Variants in NBAS observed in about 807,000 individuals in gnomAD.
NBAS encodes NBAS subunit of NRZ tethering complex.
In NBAS, 219 loss-of-function variants were observed where a neutral mutation model predicts 302.5. The ratio of observed to expected loss-of-function variants is 0.72; its 90% CI spans 0.65 to 0.81. The LOEUF (loss-of-function observed/expected upper bound fraction) is 0.81, where lower values mean the gene tolerates loss of function less well. Ranked by LOEUF, NBAS falls within the 30% of genes least tolerant of loss-of-function variation. The probability of loss-of-function intolerance (pLI) is 0.00; values close to 1 mark genes in which losing one functional copy is unlikely to be tolerated. For missense variants in NBAS, 2,932 were observed against 2,841.6 expected (o/e 1.03, Z -0.72); for synonymous variants, 1,118 against 1,021.6 (o/e 1.09, Z -1.80).
rs144098184 is a variant in NBAS, at chr2:15,461,331, T to G, written c.2209A>C (p.Asn737His). Residue 737 changes from asparagine (N) to histidine (H), a missense_variant, in exon 21 of 52, where the codon AAT becomes CAT. Transcript: ENST00000281513. ...LSARTYAQES[N>H]VQALEILFTY... ...AACAGAATTTCCAGGGCTTGTACAT[T>G]ACTTTCCTGTACAAAAGGCAAGGGG... 2 of 1,611,780 alleles carry G rather than the reference T, an allele frequency of 1.2e-6. No individual in the cohort carries two copies. Among genetic ancestry groups the G allele is most frequent in the Middle Eastern group, 1.7e-4 (1 of 6,056 alleles).
At chr2:15,099,061 C>G in the NBAS span, among the ~76,000 whole-genome samples, 1 of 152,036 alleles carries the variant, frequency 6.6e-6, no homozygotes, top group Non-Finnish European at 1.5e-5. Context: ...AATCCCAGCA[C>G]TTTGGGAGGC....
chr2:15,133,599 T>C, the NBAS span, among the ~76,000 whole-genome samples: 17 of 152,188 alleles, frequency 1.1e-4, no homozygotes, highest in Admixed American at 2.6e-4. Flanking sequence ...AGGTGGTTGA[T>C]GCTACAATGG....
Position 15,556,826 on chromosome 2 carries a change from T to C in NBAS, c.173-7A>G, listed in dbSNP as rs1664668430. 4 of 1,609,354 alleles carry C rather than the reference T, an allele frequency of 2.5e-6. No homozygotes were observed. The African/African-American group carries it at 5.3e-5, about 21-fold the overall frequency. On this transcript the variant is annotated splice_polypyrimidine_tract_variant and splice_region_variant and intron_variant, in intron 2 of 51. Transcript: ENST00000281513. ...CGTAAAAATAATAAACGATCTGTAA[T>C]CAAAAGAAATGGCAAAGCCAAATAT...
intron 6 of NBAS, among the ~76,000 whole-genome samples, chr2:15,548,278 G>A (rs938324238): frequency 1.3e-5 from 2 of 152,212 alleles, no homozygotes; most frequent in Non-Finnish European, 2.9e-5. Flanking sequence ...GTTATATTGG[G>A]TGAGATATGG....
chr2:15,163,483 C>G (rs562327914), downstream of NBAS, among the ~76,000 whole-genome samples: 2 of 152,312 alleles, frequency 1.3e-5, no homozygotes, highest in South Asian at 4.1e-4. Flanking sequence ...ATGGGTCAGA[C>G]TGGGAGGGAC....
At chr2:15,307,809 T>TA (rs11341030) in intron 40 of NBAS, among the ~76,000 whole-genome samples, 35 of 149,092 alleles carry the variant, frequency 2.3e-4, no homozygotes, top group Middle Eastern at 6.9e-3. Context: ...ACCTCTGGCT[T>TA]AAAAAAAAAA....
the NBAS span, among the ~76,000 whole-genome samples, chr2:14,919,840 T>C: frequency 1.1e-3 from 172 of 152,318 alleles, 1 homozygote; most frequent in African/African-American, 3.9e-3. Context: ...TTCTTGTTAT[T>C]TCTACCATAT....
the NBAS span, among the ~76,000 whole-genome samples, chr2:15,131,338 G>A: frequency 2.6e-5 from 4 of 152,014 alleles, no homozygotes; most frequent in East Asian, 1.9e-4. Flanking sequence ...TTCCTTCTGC[G>A]ACCTCTATTA....
At chr2:15,553,196 CT>C (rs1350916985) in intron 5 of NBAS, among the ~76,000 whole-genome samples, 10 of 152,108 alleles carry the variant, frequency 6.6e-5, no homozygotes, top group Admixed American at 6.5e-4. Context: ...AGTAAAACTT[CT>C]TAAGAGGCAA....
the NBAS span, among the ~76,000 whole-genome samples, chr2:15,076,575 T>C: frequency 6.6e-6 from 1 of 152,308 alleles, no homozygotes; most frequent in Middle Eastern, 3.4e-3. Flanking sequence ...TAAGCCCAAG[T>C]CCCATCTGAA....
chr2:15,406,193 A>G (rs1676407419), intron 25 of NBAS, among the ~76,000 whole-genome samples: 1 of 151,986 alleles, frequency 6.6e-6, no homozygotes, highest in Non-Finnish European at 1.5e-5. Context: ...TAAAATCTCT[A>G]TAATTAAAAT....
At chr2:14,783,131 G>A in the NBAS span, among the ~76,000 whole-genome samples, 1 of 152,032 alleles carries the variant, frequency 6.6e-6, no homozygotes. Context: ...AATAAAGACA[G>A]AGAAAAAATA....
the NBAS span, among the ~76,000 whole-genome samples, chr2:15,154,287 C>T: frequency 6.6e-6 from 1 of 152,198 alleles, no homozygotes; most frequent in African/African-American, 2.4e-5. Flanking sequence ...TAGATTCTAT[C>T]CCCAACTCAC....
chr2:14,850,390 A>G, the NBAS span, among the ~76,000 whole-genome samples: 2 of 101,422 alleles, frequency 2.0e-5, no homozygotes, highest in South Asian at 5.3e-4. Flanking sequence ...TATCCTAAAT[A>G]TATATGCACC....
intron 25 of NBAS, among the ~76,000 whole-genome samples, chr2:15,408,126 T>G (rs192153513): frequency 6.6e-6 from 1 of 152,342 alleles, no homozygotes; most frequent in African/African-American, 2.4e-5. Flanking sequence ...AAGCCCCTTT[T>G]GCCAGGTAAG....
intron 12 of NBAS, among the ~76,000 whole-genome samples, chr2:15,488,537 AC>A (rs1477722869): frequency 1.3e-5 from 2 of 152,172 alleles, no homozygotes; most frequent in African/African-American, 4.8e-5. Context: ...AAGAATTGTA[AC>A]CCTTTTAGGA....
intron 44 of NBAS, among the ~76,000 whole-genome samples, chr2:15,267,021 A>G (rs1239774296): frequency 6.6e-6 from 1 of 152,222 alleles, no homozygotes; most frequent in Non-Finnish European, 1.5e-5. Flanking sequence ...CTTTTCCCAC[A>G]ATGACATCTT....
the NBAS span, among the ~76,000 whole-genome samples, chr2:14,870,908 T>C: frequency 6.6e-6 from 1 of 151,710 alleles, no homozygotes; most frequent in African/African-American, 2.4e-5. Context: ...AATTGTTTAA[T>C]AATGAGAAAC....
chr2:14,892,518 T>A, the NBAS span, among the ~76,000 whole-genome samples: 1 of 152,120 alleles, frequency 6.6e-6, no homozygotes, highest in South Asian at 2.1e-4. Context: ...CATTTCCTCT[T>A]CTATGCAATG....
Sources: allele counts gnomAD v4.1 joint callset (sites outside exome capture counted in the v4.1 genomes callset), GRCh38; gene constraint gnomAD v4.1.1; transcripts MANE v1.5; gene names NCBI Gene and HGNC (gene_info 2026-07-23, HGNC 2026-07-21).